ZSCAN1: variants seen among roughly 807,000 people sequenced by gnomAD.
ZSCAN1 encodes zinc finger and SCAN domain containing 1.
ZSCAN1 carries 23 observed loss-of-function variants against 23.8 expected under a neutral mutation model. That is an observed-to-expected ratio of 0.97 (90% CI 0.70 to 1.37). The LOEUF (loss-of-function observed/expected upper bound fraction) is 1.37. Among genes scored for constraint, ZSCAN1 ranks in the 40% most tolerant of loss-of-function variants. ZSCAN1 has a pLI of 0.00. For missense variants in ZSCAN1, 575 were observed against 554.0 expected, an observed-to-expected ratio of 1.04 and a Z score of -0.38; for synonymous variants, 236 against 232.3, an observed-to-expected ratio of 1.02 and a Z score of -0.15.
intron 4 of ZSCAN1, chr19:58,044,925 T>C: frequency 1.1e-6 from 1 of 904,458 alleles, no homozygotes; most frequent in South Asian, 1.3e-5. Context: ...CTTCGCGCCC[T>C]GTTGGTGATG....
chr19:58,055,051 G>A (rs2073882909), downstream of ZSCAN1, among the ~76,000 whole-genome samples: 1 of 152,036 alleles, frequency 6.6e-6, no homozygotes, highest in Non-Finnish European at 1.5e-5. Flanking sequence ...CATTGTTGTC[G>A]GACACTCGTC....
At chr19:58,042,303 G>A (rs982870504) in intron 4 of ZSCAN1, among the ~76,000 whole-genome samples, 4 of 151,536 alleles carry the variant, frequency 2.6e-5, no homozygotes, top group African/African-American at 9.7e-5. Flanking sequence ...TGTAGCCCAG[G>A]CTGGAGTGCA....
chr19:58,042,496 G>T (rs12975995), intron 4 of ZSCAN1, among the ~76,000 whole-genome samples: 20,820 of 152,066 alleles, frequency 0.14, 1,885 homozygotes, highest in Middle Eastern at 0.24. Flanking sequence ...CTGACCTCGT[G>T]ATCCACCCGC....
In ZSCAN1 at chr19:58,040,162, C is replaced by T. The variant is rs1458795020; in HGVS notation, c.371-288C>T. Reference sequence around the variant, plus strand: ...AGAGGGCTCACAGTGCTCGGGCCTCCCTAGTTAGTCAGTGCTGCAGTGTGT... The same window carrying T: ...AGAGGGCTCACAGTGCTCGGGCCTCTCTAGTTAGTCAGTGCTGCAGTGTGT... On this transcript the variant is annotated intron_variant, in intron 3 of 5. Coordinates refer to ENST00000282326, the MANE Select transcript of ZSCAN1 (RefSeq NM_182572.4). The surrounding 1 kb of genome is among the most constrained non-coding windows in gnomAD (Gnocchi z 5.8). Among the ~76,000 whole-genome samples the T allele has an allele frequency of 2.6e-5, 4 of 152,166 alleles. No individual in the cohort carries two copies. Among genetic ancestry groups the T allele is most frequent in the Non-Finnish European group, 5.9e-5 (4 of 68,022 alleles).
In ZSCAN1 at chr19:58,053,896, C is replaced by T. The variant is rs144536843; in HGVS notation, c.1072C>T (p.Arg358Trp). The change falls in exon 6 of 6, where the codon CGG becomes TGG. Residue 358 changes from arginine (R) to tryptophan (W), a missense_variant. Coordinates refer to ENST00000282326, the MANE Select transcript of ZSCAN1 (RefSeq NM_182572.4). This position sits in a 1 kb window ranked among gnomAD's most constrained non-coding sequence, Gnocchi z 5.8. ...RKKAPRSKGP[R>W]ESVPPRDGAQ... ...GAAAGCCCCCCGGAGCAAGGGCCCC[C>T]GGGAGTCCGTCCCACCCAGGGATGG... 1.2e-5 allele frequency: 20 copies of T among 1,613,244 alleles called. No homozygotes were observed. The highest frequency in any genetic ancestry group is 1.7e-4 in the Middle Eastern group (1 of 6,060).
chr19:58,039,770 CA>C (rs67254346), intron 3 of ZSCAN1, among the ~76,000 whole-genome samples: 42,457 of 82,406 alleles, frequency 0.52, 8,257 homozygotes, highest in Middle Eastern at 0.59. Flanking sequence ...GACTCCGTCT[CA>C]AAAAAAAAAA....
chr19:58,044,659 C>T, intron 4 of ZSCAN1: 2 of 889,908 alleles, frequency 2.2e-6, no homozygotes, highest in South Asian at 1.4e-5. Context: ...CTCGGGTCAC[C>T]GCCCCGCGGG....
rs982313060 is a variant in ZSCAN1 at position 58,053,200 on chromosome 19, A to G, written c.605-229A>G. Among the ~76,000 whole-genome samples the G allele has an allele frequency of 6.6e-5, 10 of 151,656 alleles. No homozygotes were observed. Among genetic ancestry groups the G allele is most frequent in the African/African-American group, 2.4e-4 (10 of 41,284 alleles). ...TGTCTAACTCCTCACCTCATGATCC[A>G]CCTTCCTCGGCCTCCCAAAGTGCTG... is the stretch of plus-strand genomic sequence containing the variant. On this transcript the variant is annotated intron_variant, in intron 5 of 5. Coordinates refer to ENST00000282326, the MANE Select transcript of ZSCAN1 (RefSeq NM_182572.4). The surrounding 1 kb of genome is among the most constrained non-coding windows in gnomAD (Gnocchi z 5.8).
chr19:58,039,912 A>C (rs1238686782), intron 3 of ZSCAN1, among the ~76,000 whole-genome samples: 4 of 152,020 alleles, frequency 2.6e-5, no homozygotes, highest in Non-Finnish European at 5.9e-5. Flanking sequence ...TAATTAAAAA[A>C]TAAATAGGGG....
intron 4 of ZSCAN1, among the ~76,000 whole-genome samples, chr19:58,050,319 C>T (rs2073851196): frequency 6.6e-6 from 1 of 151,600 alleles, no homozygotes. Flanking sequence ...GCCTATAGTC[C>T]CAGCTACTCG....
chr19:58,037,967 T>TC lies in ZSCAN1; in HGVS notation c.133dup (p.Gln45ProfsTer96). On this transcript the variant is annotated frameshift_variant, in exon 3 of 6. Transcript: ENST00000282326. LOFTEE classifies it high-confidence loss of function. ...GCCCAGCGTCTGCGCTTCCGGCAGTTCCAGTACCACGTGGCGAGCGGGCCG... is the reference window on the plus strand; with the variant it reads ...GCCCAGCGTCTGCGCTTCCGGCAGTTCCCAGTACCACGTGGCGAGCGGGCCG... 1.2e-6 allele frequency: 2 copies of TC among 1,606,460 alleles called. No individual in the cohort carries two copies. The highest frequency in any genetic ancestry group is 1.7e-6 in the Non-Finnish European group (2 of 1,179,502).
chr19:58,046,500 C>T lies in ZSCAN1; in HGVS notation c.465+5956C>T, dbSNP rs185542624. The T allele has an allele frequency of 3.1e-5, 28 of 901,044 alleles. No homozygotes were observed. The East Asian group carries it at 4.1e-4, about 13-fold the overall frequency. 55.8% of individuals were successfully genotyped at this position (901,044 alleles called of 1,614,324 possible). A position where few individuals can be genotyped will look rare whatever the true frequency, so the allele number is the denominator to read the frequency against. On this transcript the variant is annotated intron_variant, in intron 4 of 5. Coordinates refer to ENST00000282326, the MANE Select transcript of ZSCAN1 (RefSeq NM_182572.4). Reference sequence around the variant, plus strand: ...CCAAGGGCGTGCCCATGGGGGAGAACGTCATCAGTGTTGCCGAGCTCATCA... The same window carrying T: ...CCAAGGGCGTGCCCATGGGGGAGAATGTCATCAGTGTTGCCGAGCTCATCA...
At position 58,053,319 on chromosome 19, in the gene ZSCAN1, G is replaced by T; in HGVS notation, c.605-110G>T. The T allele has an allele frequency of 2.9e-6, 4 of 1,384,608 alleles. No homozygotes were observed. The highest frequency in any genetic ancestry group is 3.9e-6 in the Non-Finnish European group (4 of 1,018,552). 85.8% of individuals were successfully genotyped at this position (1,384,608 alleles called of 1,614,324 possible). Reference sequence around the variant, plus strand: ...ACAGGGGCCGTATTGAGCAGAGGAAGGGCCTGGACTTGGCTCAGTCACTGG... The same window carrying T: ...ACAGGGGCCGTATTGAGCAGAGGAATGGCCTGGACTTGGCTCAGTCACTGG... On this transcript the variant is annotated intron_variant, in intron 5 of 5. Transcript: ENST00000282326. This position sits in a 1 kb window ranked among gnomAD's most constrained non-coding sequence, Gnocchi z 5.8.
rs78578371 is a variant in ZSCAN1 at position 58,043,363 on chromosome 19, C to T, written c.465+2819C>T. Among the ~76,000 whole-genome samples the T allele has an allele frequency of 5.7e-3, 870 of 152,366 alleles. 11 individuals are homozygous for T. Among genetic ancestry groups the T allele is most frequent in the African/African-American group, 0.02 (850 of 41,580 alleles). On this transcript the variant is annotated intron_variant, in intron 4 of 5. Coordinates refer to ENST00000282326, the MANE Select transcript of ZSCAN1 (RefSeq NM_182572.4). ...GCACAGCACGGGGCTGCACTGAATA[C>T]TGTGGGCAACGGTAACACAATGTTG...
intron 4 of ZSCAN1, among the ~76,000 whole-genome samples, chr19:58,051,222 C>T (rs1234894619): frequency 6.6e-6 from 1 of 152,140 alleles, no homozygotes; most frequent in African/African-American, 2.4e-5. Context: ...AGGGAAGAGC[C>T]TGACTGTCCA....
intron 4 of ZSCAN1, chr19:58,046,182 G>T: frequency 1.3e-6 from 1 of 747,082 alleles, no homozygotes. Flanking sequence ...AGGAAGAGAT[G>T]ACTAAGGAGG....
Position 58,045,156 on chromosome 19 carries a change from C to G in ZSCAN1, c.465+4612C>G, listed in dbSNP as rs1460139010. On this transcript the variant is annotated intron_variant, in intron 4 of 5. Coordinates refer to ENST00000282326, the MANE Select transcript of ZSCAN1 (RefSeq NM_182572.4). This position sits in a 1 kb window ranked among gnomAD's most constrained non-coding sequence, Gnocchi z 4.3. ...CTGGCGCATCCTCAACTGCCACACC[C>G]TGACCCGCCAGGCGCGCAGGCAGTT... 1.7e-6 allele frequency: 2 copies of G among 1,144,026 alleles called. No homozygotes were observed. Among genetic ancestry groups the G allele is most frequent in the African/African-American group, 1.5e-5 (1 of 65,854 alleles). 70.9% of individuals were successfully genotyped at this position (1,144,026 alleles called of 1,614,324 possible). A position where few individuals can be genotyped will look rare whatever the true frequency, so the allele number is the denominator to read the frequency against.
In ZSCAN1 at chr19:58,053,879, C is replaced by T; in HGVS notation, c.1055C>T (p.Pro352Leu). 1 of 1,613,738 alleles carries T rather than the reference C, an allele frequency of 6.2e-7. No homozygotes were observed. Among genetic ancestry groups the T allele is most frequent in the Non-Finnish European group, 8.5e-7 (1 of 1,179,696 alleles). ...HLLEPPRKKA[P>L]RSKGPRESVP... ...CTGGAGCCACCGAGGAAGAAAGCCC[C>T]CCGGAGCAAGGGCCCCCGGGAGTCC... The change falls in exon 6 of 6, where the codon CCC becomes CTC. Residue 352 changes from proline to leucine, a missense_variant. Pro to Leu is a moderately conservative substitution (Grantham distance 98). Transcript: ENST00000282326. This position sits in a 1 kb window ranked among gnomAD's most constrained non-coding sequence, Gnocchi z 5.8.
In ZSCAN1 at chr19:58,040,209, C is replaced by T. The variant is rs117563317; in HGVS notation, c.371-241C>T. Among the ~76,000 whole-genome samples the T allele has an allele frequency of 3.3e-5, 5 of 152,158 alleles. No homozygotes were observed. Among genetic ancestry groups the T allele is most frequent in the African/African-American group, 4.8e-5 (2 of 41,450 alleles). ...GTGTGTCCTCGTGGGCTTCTGGAGG[C>T]GCACAGGGGTGTGGAGTATGAGTGA... On this transcript the variant is annotated intron_variant, in intron 3 of 5. Transcript: ENST00000282326. The surrounding 1 kb of genome is among the most constrained non-coding windows in gnomAD (Gnocchi z 5.8).
Sources: allele counts gnomAD v4.1 joint callset (sites outside exome capture counted in the v4.1 genomes callset), GRCh38; gene constraint gnomAD v4.1.1; non-coding constraint Gnocchi (gnomAD v3.1); transcripts MANE v1.5; gene names NCBI Gene and HGNC (gene_info 2026-07-23, HGNC 2026-07-21).